Variants in ACER1 observed in about 807,000 individuals in gnomAD.
The protein encoded by ACER1 is CTB-180A7.3.
ACER1 carries 28 observed loss-of-function variants against 24.9 expected under a neutral mutation model. The observed-to-expected ratio is 1.13, with a 90% CI of 0.83 to 1.54. ACER1 has a LOEUF of 1.54. ACER1 is among the 40% of genes most tolerant of loss of function. The probability of loss-of-function intolerance (pLI) is 0.00; values close to 1 mark genes in which losing one functional copy is unlikely to be tolerated. For missense variants in ACER1, 352 were observed against 349.3 expected (o/e 1.01, Z -0.06); for synonymous variants, 132 against 131.4 (o/e 1.00, Z -0.03).
At chr19:6,325,891 A>G (rs2091658686) in intron 1 of ACER1, among the ~76,000 whole-genome samples, 1 of 151,820 alleles carries the variant, frequency 6.6e-6, no homozygotes, top group South Asian at 2.1e-4. Flanking sequence ...AAAGCCTTAG[A>G]GGACATCTAC....
chr19:6,314,657 C>T (rs8111173), intron 1 of ACER1, among the ~76,000 whole-genome samples: 3,288 of 152,116 alleles, frequency 0.022, 80 homozygotes, highest in East Asian at 0.088. Context: ...ACAACCTCTA[C>T]GGAAAACAGT....
the ACER1 span, among the ~76,000 whole-genome samples, chr19:6,354,907 CA>C: frequency 6.6e-6 from 1 of 152,204 alleles, no homozygotes; most frequent in Non-Finnish European, 1.5e-5. Flanking sequence ...CATCTCGGCT[CA>C]CTGCAGCCTC....
At chr19:6,324,764 TAAAG>T (rs1428713843) in intron 1 of ACER1, among the ~76,000 whole-genome samples, 6 of 86,180 alleles carry the variant, frequency 7.0e-5, no homozygotes, top group Admixed American at 1.2e-4. Context: ...CAAAATAAAA[TAAAG>T]AAAGAAAGAG....
Position 6,307,223 on chromosome 19 carries a change from T to A in ACER1, c.556A>T (p.Ser186Cys). 4 of 1,614,118 alleles carry A rather than the reference T, an allele frequency of 2.5e-6. No individual in the cohort carries two copies. Among genetic ancestry groups the A allele is most frequent in the Non-Finnish European group, 3.4e-6 (4 of 1,180,020 alleles). ...CAAAGCAGACGGTCACTGATCCAGC[T>A]GGTCAGAGCAACAGCCCATAAAACC... is the stretch of plus-strand genomic sequence containing the variant. Reference protein sequence around the residue: ...SVVLWAVALTSWISDRLLCSF... With the variant: ...SVVLWAVALTCWISDRLLCSF... The change falls in exon 5 of 6, where the codon AGC (serine) becomes TGC (cysteine). Residue 186 changes from serine (S) to cysteine (C), a missense_variant. Transcript: ENST00000301452.
At chr19:6,348,628 C>CATG in the ACER1 span, among the ~76,000 whole-genome samples, 9,045 of 151,830 alleles carry the variant, frequency 0.06, 391 homozygotes, top group African/African-American at 0.12. Flanking sequence ...GTTTTGATAT[C>CATG]GACATGGAAT....
At chr19:6,316,082 T>G (rs1722050245) in intron 1 of ACER1, among the ~76,000 whole-genome samples, 1 of 151,992 alleles carries the variant, frequency 6.6e-6, no homozygotes, top group Non-Finnish European at 1.5e-5. Context: ...GAGCTGAGAT[T>G]GTTGCACTGC....
At chr19:6,309,271 C>T (rs892943709) in intron 4 of ACER1, among the ~76,000 whole-genome samples, 12 of 152,092 alleles carry the variant, frequency 7.9e-5, no homozygotes, top group Non-Finnish European at 1.5e-4. Context: ...GTAATCCCAG[C>T]ACTTTGGGAG....
At chr19:6,314,920 A>C (rs963451434) in intron 1 of ACER1, among the ~76,000 whole-genome samples, 16 of 148,986 alleles carry the variant, frequency 1.1e-4, no homozygotes, top group African/African-American at 2.1e-4. Flanking sequence ...GAGATGGAGT[A>C]TTGCTCTGTC....
chr19:6,317,525 C>T (rs866088935), intron 1 of ACER1, among the ~76,000 whole-genome samples: 3 of 152,180 alleles, frequency 2.0e-5, no homozygotes, highest in Non-Finnish European at 4.4e-5. Context: ...CCCAAACAAA[C>T]ACAATGTTCC....
chr19:6,334,052 G>GTT (rs112838660), upstream of ACER1, among the ~76,000 whole-genome samples: 1 of 144,008 alleles, frequency 6.9e-6, no homozygotes, highest in Non-Finnish European at 1.5e-5. Flanking sequence ...CTAGCTAATT[G>GTT]TTTTTTTTTT....
chr19:6,320,018 G>A (rs80316171), intron 1 of ACER1, among the ~76,000 whole-genome samples: 1,964 of 150,784 alleles, frequency 0.013, 49 homozygotes, highest in African/African-American at 0.046. Context: ...GCTGAAACAG[G>A]AGAATCGCTT....
chr19:6,334,328 G>A (rs577468082), upstream of ACER1, among the ~76,000 whole-genome samples: 50 of 151,746 alleles, frequency 3.3e-4, no homozygotes, highest in African/African-American at 1.1e-3. Context: ...ATAGGTGTGC[G>A]TGAGCCACCG....
chr19:6,339,887 G>C, the ACER1 span, among the ~76,000 whole-genome samples: 1 of 151,734 alleles, frequency 6.6e-6, no homozygotes, highest in African/African-American at 2.4e-5. Flanking sequence ...GGATGGTCTT[G>C]ATCTCCTGAC....
rs370470491 is a variant in ACER1 at position 6,309,742 on chromosome 19, C to A, written c.443G>T (p.Ser148Ile). The A allele has an allele frequency of 1.2e-6, 2 of 1,613,954 alleles. No homozygotes were observed. The highest frequency in any genetic ancestry group is 2.7e-5 in the African/African-American group (2 of 74,912). Residue 148 changes from serine to isoleucine, a missense_variant, in exon 4 of 6, where the codon AGC becomes ATC. By Grantham distance (142) the Ser-to-Ile change is moderately radical (BLOSUM62 -2). Coordinates refer to ENST00000301452, the MANE Select transcript of ACER1 (RefSeq NM_133492.3). The part of the protein sequence containing the change: ...RPTVNAYALN[S>I]IALHILYIVC... ...GATGTAGAGAATGTGCAGGGCAATG[C>A]TGTTGAGGGCGTAGGCGTTGACCGT...
At chr19:6,351,521 A>G in the ACER1 span, among the ~76,000 whole-genome samples, 2 of 147,758 alleles carry the variant, frequency 1.4e-5, no homozygotes, top group African/African-American at 2.5e-5. Flanking sequence ...GTTTGAGATC[A>G]GGAGTTTGAG....
At chr19:6,342,234 G>A in the ACER1 span, among the ~76,000 whole-genome samples, 1 of 149,802 alleles carries the variant, frequency 6.7e-6, no homozygotes, top group South Asian at 2.1e-4. Context: ...ATGAATTCTG[G>A]TTGTGTAAGA....
intron 1 of ACER1, among the ~76,000 whole-genome samples, chr19:6,323,510 T>C (rs540702535): frequency 6.6e-6 from 1 of 152,304 alleles, no homozygotes; most frequent in Non-Finnish European, 1.5e-5. Context: ...AGATGTGACT[T>C]GCTCCTCCTT....
chr19:6,341,651 A>C, the ACER1 span, among the ~76,000 whole-genome samples: 9 of 145,574 alleles, frequency 6.2e-5, no homozygotes, highest in South Asian at 1.5e-3. Context: ...TTTGAGATGG[A>C]GTCTTGCTCT....
intron 1 of ACER1, among the ~76,000 whole-genome samples, chr19:6,326,616 C>G (rs1236799867): frequency 2.0e-5 from 3 of 151,840 alleles, no homozygotes; most frequent in African/African-American, 7.3e-5. Context: ...AGACCTTATG[C>G]CCCATTCCTC....
Sources: gnomAD v4.1 joint callset for allele counts (sites outside exome capture counted in the v4.1 genomes callset) on GRCh38, gnomAD v4.1.1 for gene constraint, MANE v1.5 for transcripts, NCBI Gene and HGNC (gene_info 2026-07-23, HGNC 2026-07-21) for gene names.